Variants in SMYD3 observed in about 807,000 individuals in gnomAD.
SMYD3 encodes SET and MYND domain containing 3.
A neutral mutation model predicts 57.7 loss-of-function variants in SMYD3; 36 were observed. The observed-to-expected ratio is 0.62, with a 90% CI of 0.48 to 0.82. The LOEUF (loss-of-function observed/expected upper bound fraction) is 0.82. Ranked by LOEUF, SMYD3 falls within the 40% of genes least tolerant of loss-of-function variation. The pLI, the probability that SMYD3 is intolerant of heterozygous loss-of-function variation, is 0.00. For synonymous variants in SMYD3, 211 were observed against 195.0 expected, an observed-to-expected ratio of 1.08 and a Z score of -0.68; for missense variants, 515 against 538.8, an observed-to-expected ratio of 0.96 and a Z score of 0.44.
At position 245,785,665 on chromosome 1, in the gene SMYD3, G is replaced by A. The variant is rs1304607580; in HGVS notation, c.1077-21516C>T. ...CGAGCGAGAGAGAGAGAGAGAGTGC[G>A]TGAGAGAGTGAGAAAGCGAGCAAGA... On this transcript the variant is annotated intron_variant, in intron 10 of 11. Transcript: ENST00000490107. Among the ~76,000 whole-genome samples, 8 of 151,934 alleles carry A rather than the reference G, an allele frequency of 5.3e-5. No individual in the cohort carries two copies. In the East Asian group the frequency reaches 7.8e-4, roughly 15 times the overall value.
chr1:245,997,048 C>T (rs981107114), intron 5 of SMYD3, among the ~76,000 whole-genome samples: 4 of 152,240 alleles, frequency 2.6e-5, no homozygotes, highest in East Asian at 1.9e-4. Flanking sequence ...TGCGTTTTTC[C>T]GCAGGTGCCT....
intron 1 of SMYD3, among the ~76,000 whole-genome samples, chr1:246,357,641 G>A (rs1340883605): frequency 6.6e-6 from 1 of 152,138 alleles, no homozygotes; most frequent in African/African-American, 2.4e-5. Flanking sequence ...CTATAAGCTA[G>A]AAGGGATTGG....
At chr1:246,187,160 A>C (rs1198011161) in intron 5 of SMYD3, among the ~76,000 whole-genome samples, 1 of 152,088 alleles carries the variant, frequency 6.6e-6, no homozygotes, top group Non-Finnish European at 1.5e-5. Context: ...GCGGTGGCGC[A>C]CGCCTATATT....
At chr1:245,820,265 C>T (rs1360265174) in intron 10 of SMYD3, among the ~76,000 whole-genome samples, 2 of 151,618 alleles carry the variant, frequency 1.3e-5, no homozygotes, top group African/African-American at 2.4e-5. Flanking sequence ...AAATGTAATC[C>T]AGCATATAAA....
chr1:245,787,310 T>G (rs894698170), intron 10 of SMYD3, among the ~76,000 whole-genome samples: 1 of 152,216 alleles, frequency 6.6e-6, no homozygotes, highest in African/African-American at 2.4e-5. Context: ...GAGGCAGCTC[T>G]TTACATGTAG....
At chr1:246,120,606 G>A (rs140411023) in intron 5 of SMYD3, among the ~76,000 whole-genome samples, 98 of 152,260 alleles carry the variant, frequency 6.4e-4, no homozygotes, top group Non-Finnish European at 1.1e-3. Context: ...CAGGGAGTAT[G>A]TTGTGTCCAG....
intron 10 of SMYD3, among the ~76,000 whole-genome samples, chr1:245,765,564 T>C (rs1572274528): frequency 6.6e-6 from 1 of 152,030 alleles, no homozygotes; most frequent in South Asian, 2.1e-4. Context: ...ACTGAGAAAA[T>C]GATACAAGTA....
intron 5 of SMYD3, among the ~76,000 whole-genome samples, chr1:245,934,683 C>T (rs1016239821): frequency 2.6e-5 from 4 of 152,078 alleles, no homozygotes; most frequent in African/African-American, 9.7e-5. Flanking sequence ...AATGATGATT[C>T]GCAAATCCCA....
intron 5 of SMYD3, among the ~76,000 whole-genome samples, chr1:246,286,673 T>C (rs1405444223): frequency 6.6e-6 from 1 of 152,124 alleles, no homozygotes; most frequent in Non-Finnish European, 1.5e-5. Flanking sequence ...ATCCACCTAG[T>C]ATAGGGCATG....
chr1:245,762,838 C>T (rs530236445), intron 11 of SMYD3, among the ~76,000 whole-genome samples: 41 of 152,206 alleles, frequency 2.7e-4, no homozygotes, highest in Non-Finnish European at 4.7e-4. Flanking sequence ...GCAACCCTGA[C>T]GCCCGATCCT....
At chr1:246,101,240 G>A (rs926681017) in intron 5 of SMYD3, among the ~76,000 whole-genome samples, 3 of 152,038 alleles carry the variant, frequency 2.0e-5, no homozygotes, top group Admixed American at 6.6e-5. Context: ...TGCAATGCTA[G>A]TATGACCCTT....
rs188545462 is a variant in SMYD3, at chr1:246,014,478, G to A, written c.532-84541C>T. ...ATGAACTATGAACTTTGAACGAAGA[G>A]TCACGGGCTTATCCCTGACTCTAGG... On this transcript the variant is annotated intron_variant, in intron 5 of 11. Coordinates refer to ENST00000490107, the MANE Select transcript of SMYD3 (RefSeq NM_001167740.2). 1.2e-3 allele frequency among the ~76,000 whole-genome samples: 176 copies of A among 152,264 alleles called. 2 individuals carry two copies. The Middle Eastern group carries it at 0.014, about 12-fold the overall frequency.
At chr1:245,848,368 C>T (rs977570735) in intron 10 of SMYD3, among the ~76,000 whole-genome samples, 4 of 152,228 alleles carry the variant, frequency 2.6e-5, no homozygotes, top group African/African-American at 9.6e-5. Flanking sequence ...GATCTGCCCA[C>T]CTTGGCCTCC....
chr1:246,040,998 C>T (rs924675338), intron 5 of SMYD3, among the ~76,000 whole-genome samples: 2 of 152,168 alleles, frequency 1.3e-5, no homozygotes, highest in African/African-American at 4.8e-5. Context: ...GGACAGAACA[C>T]ACATACAATG....
In SMYD3 at chr1:246,507,105, T is replaced by G; in HGVS notation, c.113A>C (p.Tyr38Ser). Residue 38 changes from tyrosine (Y) to serine (S), a missense_variant, in exon 1 of 12, where the codon TAC becomes TCC. Physicochemically the swap from Tyr to Ser is moderately radical, Grantham distance 144. Coordinates refer to ENST00000490107, the MANE Select transcript of SMYD3 (RefSeq NM_001167740.2). ...GCCACGACTCCCCTTGCACACCGTGTACGCCAAGGGATCCGAGCGGAAGAG... is the reference window on the plus strand; with the variant it reads ...GCCACGACTCCCCTTGCACACCGTGGACGCCAAGGGATCCGAGCGGAAGAG... ...ELLFRSDPLA[Y>S]TVCKGSRGVV... The G allele has an allele frequency of 2.0e-6, 3 of 1,531,854 alleles. No individual in the cohort carries two copies. The highest frequency in any genetic ancestry group is 2.6e-6 in the Non-Finnish European group (3 of 1,139,458). 94.9% of individuals were successfully genotyped at this position (1,531,854 alleles called of 1,614,324 possible).
At chr1:245,798,572 AAG>A (rs202132999) in intron 10 of SMYD3, among the ~76,000 whole-genome samples, 65 of 151,076 alleles carry the variant, frequency 4.3e-4, no homozygotes, top group African/African-American at 1.4e-3. Context: ...ACCAGGAAGA[AAG>A]AGGGAAATTT....
chr1:246,100,173 T>C (rs1184764248), intron 5 of SMYD3, among the ~76,000 whole-genome samples: 2 of 152,182 alleles, frequency 1.3e-5, no homozygotes, highest in South Asian at 4.1e-4. Flanking sequence ...GTTGCGCCAT[T>C]GCACTCTAGC....
chr1:245,935,129 G>A (rs1031808539), intron 5 of SMYD3, among the ~76,000 whole-genome samples: 1 of 152,116 alleles, frequency 6.6e-6, no homozygotes, highest in African/African-American at 2.4e-5. Context: ...CCCACAGAGT[G>A]GGAGAAAGTA....
intron 5 of SMYD3, among the ~76,000 whole-genome samples, chr1:246,318,181 AAGACC>A (rs758221008): frequency 1.4e-4 from 22 of 152,288 alleles, no homozygotes; most frequent in Middle Eastern, 3.4e-3. Flanking sequence ...CCAGGACTTC[AAGACC>A]AGCCTGGGCA....
Sources: gnomAD v4.1 joint callset for allele counts (sites outside exome capture counted in the v4.1 genomes callset) on GRCh38, gnomAD v4.1.1 for gene constraint, MANE v1.5 for transcripts, NCBI Gene and HGNC (gene_info 2026-07-23, HGNC 2026-07-21) for gene names.